The following RALGAPB variants were observed in gnomAD, a reference collection of about 807,000 sequenced individuals.
RALGAPB encodes ral GTPase-activating protein subunit beta.
A neutral mutation model predicts 161.1 loss-of-function variants in RALGAPB; 25 were observed. The ratio of observed to expected loss-of-function variants is 0.16; its 90% CI spans 0.11 to 0.22. The LOEUF (loss-of-function observed/expected upper bound fraction) is 0.22, where lower values mean the gene tolerates loss of function less well. Among genes scored for constraint, RALGAPB ranks in the 10% least tolerant of loss-of-function variants. The pLI, the probability that RALGAPB is intolerant of heterozygous loss-of-function variation, is 1.00. For missense variants in RALGAPB, 1,391 were observed against 1,815.2 expected (o/e 0.77, Z 4.25); for synonymous variants, 629 against 626.1 (o/e 1.00, Z -0.07).
intron 24 of RALGAPB, among the ~76,000 whole-genome samples, chr20:38,565,045 C>A (rs2087944332): frequency 6.6e-6 from 1 of 151,700 alleles, no homozygotes; most frequent in African/African-American, 2.4e-5. Context: ...GATGGTCTTC[C>A]TTTTGATTAT....
chr20:38,525,004 C>T, intron 11 of RALGAPB, 59 bp downstream of exon 11: 1 of 1,479,270 alleles, frequency 6.8e-7, no homozygotes, highest in Non-Finnish European at 9.4e-7. Flanking sequence ...TCTGTTGGTG[C>T]TTCCTCCCCA....
chr20:38,541,383 A>G (rs993663636), intron 18 of RALGAPB, among the ~76,000 whole-genome samples, 191 bp downstream of exon 18: 1 of 152,218 alleles, frequency 6.6e-6, no homozygotes, highest in Non-Finnish European at 1.5e-5. Context: ...ACCAAAAGAA[A>G]CTAGGAACTT....
chr20:38,481,961 C>T lies in RALGAPB; in HGVS notation c.-30-6442C>T, dbSNP rs561875879. On this transcript the variant is annotated intron_variant, in intron 1 of 29. Coordinates refer to ENST00000262879, the MANE Select transcript of RALGAPB (RefSeq NM_020336.4). ...CATTTCTACCACTAAGTTAAAACTA[C>T]AGTTGACTCTCGTACATCATAAGGG... is the stretch of plus-strand genomic sequence containing the variant. Among the ~76,000 whole-genome samples, 5 of 152,256 alleles carry T rather than the reference C, an allele frequency of 3.3e-5. No individual in the cohort carries two copies. In the South Asian group the frequency reaches 1.0e-3, roughly 32 times the overall value.
chr20:38,479,543 A>C (rs2084904529), intron 1 of RALGAPB, among the ~76,000 whole-genome samples: 1 of 152,364 alleles, frequency 6.6e-6, no homozygotes, highest in East Asian at 1.9e-4. Context: ...TACCCAGCAC[A>C]CACAACCTCC....
At position 38,539,765 on chromosome 20, in the gene RALGAPB, A is replaced by AATG; in HGVS notation, c.2380-9_2380-8insGAT. 1 of 1,609,448 alleles carries AATG rather than the reference A, an allele frequency of 6.2e-7. No homozygotes were observed. The highest frequency in any genetic ancestry group is 1.3e-5 in the African/African-American group (1 of 74,964). On this transcript the variant is annotated splice_polypyrimidine_tract_variant and intron_variant, in intron 16 of 29. Coordinates refer to ENST00000262879, the MANE Select transcript of RALGAPB (RefSeq NM_020336.4). ...GCTGATTGTTTTTGTTCTCCAAATG[A>AATG]ATATGCTCAGGTAAAAGTGATGGTT... is the stretch of plus-strand genomic sequence containing the variant.
chr20:38,496,198 G>A (rs1188740291), intron 3 of RALGAPB, among the ~76,000 whole-genome samples: 1 of 151,904 alleles, frequency 6.6e-6, no homozygotes, highest in African/African-American at 2.4e-5. Context: ...TCATCATTTT[G>A]CTTTAGGTCT....
intron 1 of RALGAPB, among the ~76,000 whole-genome samples, chr20:38,479,636 C>T (rs1258902404): frequency 6.6e-6 from 1 of 152,160 alleles, no homozygotes; most frequent in Admixed American, 6.5e-5. Flanking sequence ...TGACTTCTTC[C>T]CCTTCTTCCC....
intron 6 of RALGAPB, among the ~76,000 whole-genome samples, chr20:38,511,868 G>A (rs905484832): frequency 1.6e-4 from 25 of 152,134 alleles, no homozygotes; most frequent in Non-Finnish European, 3.5e-4. Flanking sequence ...CGGGGTGGCG[G>A]CCGGGCAGAG....
chr20:38,568,169 ATTCC>A (rs1157866886), intron 26 of RALGAPB, among the ~76,000 whole-genome samples: 3 of 152,150 alleles, frequency 2.0e-5, no homozygotes, highest in Admixed American at 2.0e-4. Flanking sequence ...CAGCATAGTT[ATTCC>A]TTAGAACCCA....
chr20:38,572,975 A>C (rs1266994850), intron 28 of RALGAPB, among the ~76,000 whole-genome samples: 1 of 152,116 alleles, frequency 6.6e-6, no homozygotes, highest in Non-Finnish European at 1.5e-5. Context: ...TCTTTATGAC[A>C]CTAACTTGCT....
chr20:38,567,176 T>G lies in RALGAPB; in HGVS notation c.3898T>G (p.Ser1300Ala). The change falls in exon 26 of 30, where the codon TCC (serine) becomes GCC (alanine). Residue 1300 changes from serine (S) to alanine (A), a missense_variant. Ser to Ala is a moderately conservative substitution (Grantham distance 99). This residue lies in a region of RALGAPB where 436 missense variants were observed against 527.0 expected (regional missense o/e 0.83). Transcript: ENST00000262879. ...DLMPGILKQPSLTLELFPNHT... is the reference protein window; with the variant it reads ...DLMPGILKQPALTLELFPNHT... ...TATGCCAGGAATTCTGAAACAGCCA[T>G]CCCTGACACTTGAGCTTTTCCCCAA... The G allele has an allele frequency of 6.2e-7, 1 of 1,613,692 alleles. No homozygotes were observed. Among genetic ancestry groups the G allele is most frequent in the Non-Finnish European group, 8.5e-7 (1 of 1,179,716 alleles).
At chr20:38,516,561 A>G (rs1330825254) in intron 7 of RALGAPB, 191 bp downstream of exon 7, 1 of 604,034 alleles carries the variant, frequency 1.7e-6, no homozygotes, top group African/African-American at 1.9e-5. Context: ...AAATATTTAG[A>G]TTGGTGCAAA....
chr20:38,538,333 G>T, intron 16 of RALGAPB: 1 of 217,568 alleles, frequency 4.6e-6, no homozygotes, highest in South Asian at 1.0e-4. Context: ...GGGCCCAAGT[G>T]GTAAGATTGG....
chr20:38,488,431 C>T lies in RALGAPB; in HGVS notation c.-2C>T, dbSNP rs896875265. The T allele has an allele frequency of 6.8e-6, 11 of 1,609,116 alleles. No individual in the cohort carries two copies. Among genetic ancestry groups the T allele is most frequent in the Middle Eastern group, 1.6e-4 (1 of 6,070 alleles). ...CCATTTGGATTGTACTTTAGTGGCACGATGTACTCTGAGTGGAGGTCACTG... is the reference window on the plus strand; with the variant it reads ...CCATTTGGATTGTACTTTAGTGGCATGATGTACTCTGAGTGGAGGTCACTG... On this transcript the variant is annotated 5_prime_UTR_variant, in exon 2 of 30. In the 5' UTR this introduces an upstream ATG that the reference lacks. Coordinates refer to ENST00000262879, the MANE Select transcript of RALGAPB (RefSeq NM_020336.4).
At chr20:38,507,144 A>G (rs1472929041) in intron 5 of RALGAPB, among the ~76,000 whole-genome samples, 1 of 152,208 alleles carries the variant, frequency 6.6e-6, no homozygotes, top group Non-Finnish European at 1.5e-5. Flanking sequence ...ACCCATGTTA[A>G]CATTTTAATG....
Position 38,478,255 on chromosome 20 carries a change from C to G in RALGAPB, c.-31+5186C>G, listed in dbSNP as rs1445936072. Among the ~76,000 whole-genome samples the G allele has an allele frequency of 2.0e-5, 3 of 152,212 alleles. No homozygotes were observed. The East Asian group carries it at 5.8e-4, about 29-fold the overall frequency. On this transcript the variant is annotated intron_variant, in intron 1 of 29. Transcript: ENST00000262879. Reference sequence around the variant, plus strand: ...CAGATCCGCTGTTACTTGATGTGATCCTGAGCAAGTCATAGCTTTACTTTG... The same window carrying G: ...CAGATCCGCTGTTACTTGATGTGATGCTGAGCAAGTCATAGCTTTACTTTG...
rs1450493864 is a variant in RALGAPB, at chr20:38,517,895, C to G, written c.1312C>G (p.Pro438Ala). 1.9e-6 allele frequency: 3 copies of G among 1,613,844 alleles called. No individual in the cohort carries two copies. The Admixed American group carries it at 5.0e-5, about 27-fold the overall frequency. The change falls in exon 9 of 30, where the codon CCA (proline) becomes GCA (alanine). Residue 438 changes from proline to alanine, a missense_variant. Physicochemically the swap from Pro to Ala is conservative, Grantham distance 27. Around this residue, in one of 3 missense-constraint regions of RALGAPB, gnomAD observed 946 missense variants for 1,257.2 expected, o/e 0.75. Coordinates refer to ENST00000262879, the MANE Select transcript of RALGAPB (RefSeq NM_020336.4). ...EPRPLPAPRRPKVNSILNLFG... is the reference protein window; with the variant it reads ...EPRPLPAPRRAKVNSILNLFG... ...CCGGCCACTGCCTGCCCCTCGGAGA[C>G]CAAAGGTTAACAGCATCTTGAATCT...
chr20:38,488,826 G>A (rs570734431), intron 2 of RALGAPB, among the ~76,000 whole-genome samples: 2 of 152,258 alleles, frequency 1.3e-5, no homozygotes, highest in East Asian at 3.9e-4. Flanking sequence ...AGTTTGTGGA[G>A]GTTATAAGGA....
chr20:38,473,228 C>T (rs1217174250), intron 1 of RALGAPB, among the ~76,000 whole-genome samples, 159 bp downstream of exon 1: 1 of 152,144 alleles, frequency 6.6e-6, no homozygotes, highest in African/African-American at 2.4e-5. Context: ...GGGAGACCCA[C>T]GGGGGCGGGG....
Sources: allele counts gnomAD v4.1 joint callset (sites outside exome capture counted in the v4.1 genomes callset), GRCh38; gene constraint gnomAD v4.1.1; regional missense constraint gnomAD v4.1.1; transcripts MANE v1.5; gene names NCBI Gene and HGNC (gene_info 2026-07-23, HGNC 2026-07-21).